Variants in ATG7 observed in about 807,000 individuals in gnomAD.
The protein encoded by ATG7 is ubiquitin-like modifier-activating enzyme ATG7.
In ATG7, 70 loss-of-function variants were observed where a neutral mutation model predicts 82.4. The ratio of observed to expected loss-of-function variants is 0.85; its 90% CI spans 0.70 to 1.04. The LOEUF (loss-of-function observed/expected upper bound fraction) is 1.04. Ranked by LOEUF, ATG7 falls within the 50% of genes least tolerant of loss-of-function variation. ATG7 has a pLI of 0.00. For synonymous variants in ATG7, 287 were observed against 313.0 expected (o/e 0.92, Z 0.88); for missense variants, 792 against 864.3 (o/e 0.92, Z 1.05).
chr3:11,324,871 A>G (rs1950644717), intron 9 of ATG7, among the ~76,000 whole-genome samples: 1 of 152,200 alleles, frequency 6.6e-6, no homozygotes. Flanking sequence ...CAGTTAAGAA[A>G]AAATAACCTT....
At chr3:11,440,867 A>T (rs918108990) in intron 20 of ATG7, among the ~76,000 whole-genome samples, 1 of 150,646 alleles carries the variant, frequency 6.6e-6, no homozygotes, top group Admixed American at 6.6e-5. Flanking sequence ...TATTTTTAGT[A>T]GAGATGGGGT....
At chr3:11,510,676 A>G (rs2092007374) in intron 20 of ATG7, among the ~76,000 whole-genome samples, 7 of 152,192 alleles carry the variant, frequency 4.6e-5, no homozygotes, top group Admixed American at 4.6e-4. Context: ...CATGCTGCAA[A>G]ACAGCACATT....
At chr3:11,510,782 A>G (rs2092011838) in intron 20 of ATG7, among the ~76,000 whole-genome samples, 2 of 152,150 alleles carry the variant, frequency 1.3e-5, no homozygotes, top group Non-Finnish European at 2.9e-5. Context: ...TTGGGGTAGA[A>G]TCGATAGCTT....
chr3:11,279,134 C>G (rs1448415870), intron 1 of ATG7, among the ~76,000 whole-genome samples: 1 of 152,172 alleles, frequency 6.6e-6, no homozygotes, highest in Non-Finnish European at 1.5e-5. Flanking sequence ...TGTCATCTAA[C>G]CCTCCCTTTC....
At chr3:11,310,275 A>G (rs1009669873) in intron 7 of ATG7, among the ~76,000 whole-genome samples, 1 of 152,190 alleles carries the variant, frequency 6.6e-6, no homozygotes, top group Admixed American at 6.5e-5. Context: ...GCGGGCATAT[A>G]AACACAGTAA....
At chr3:11,574,585 C>A in the ATG7 span, among the ~76,000 whole-genome samples, 35 of 152,288 alleles carry the variant, frequency 2.3e-4, no homozygotes, top group South Asian at 2.1e-4. Flanking sequence ...GTCACCTAGA[C>A]CACTGTAGGG....
At chr3:11,380,328 C>T (rs188693661) in intron 19 of ATG7, among the ~76,000 whole-genome samples, 1 of 152,292 alleles carries the variant, frequency 6.6e-6, no homozygotes, top group East Asian at 1.9e-4. Context: ...TGAATTTGAA[C>T]TTTACTGCTC....
intron 19 of ATG7, 81 bp from the exon 20 acceptor site, chr3:11,426,721 CAA>C (rs1008238730): frequency 9.7e-5 from 126 of 1,294,502 alleles, no homozygotes; most frequent in Non-Finnish European, 1.2e-4. Flanking sequence ...TTATTTTTGA[CAA>C]GAGCTTGTTA....
chr3:11,385,898 GTGCCGTTTTAATTTTGGCCATCCTT>G (rs2078284050), intron 19 of ATG7, among the ~76,000 whole-genome samples: 1 of 152,208 alleles, frequency 6.6e-6, no homozygotes, highest in Non-Finnish European at 1.5e-5. Flanking sequence ...GTCTTTGTGA[GTGCCGTTTTAATTTTGGCCATCCTT>G]GGAGTTGGAA....
At chr3:11,541,189 C>G (rs745521511) in intron 20 of ATG7, among the ~76,000 whole-genome samples, 2 of 152,164 alleles carry the variant, frequency 1.3e-5, no homozygotes, top group African/African-American at 4.8e-5. Flanking sequence ...CGTGAGCCAT[C>G]GCGCCCGGCT....
intron 20 of ATG7, among the ~76,000 whole-genome samples, chr3:11,461,956 G>A (rs916987097): frequency 6.6e-6 from 1 of 151,934 alleles, no homozygotes; most frequent in African/African-American, 2.4e-5. Context: ...TTATGAACCC[G>A]GGAGGCAGAG....
intron 19 of ATG7, among the ~76,000 whole-genome samples, chr3:11,403,570 G>A (rs796332453): frequency 2.0e-5 from 3 of 152,214 alleles, no homozygotes; most frequent in African/African-American, 7.2e-5. Flanking sequence ...TTTTCTTCTG[G>A]TGAGTTACTT....
intron 1 of ATG7, among the ~76,000 whole-genome samples, chr3:11,274,328 A>C (rs959444295): frequency 6.6e-6 from 1 of 152,022 alleles, no homozygotes; most frequent in African/African-American, 2.4e-5. Context: ...AGCCAAGGAG[A>C]TAGCAACGGT....
chr3:11,471,321 T>TC (rs1465716607), intron 20 of ATG7, among the ~76,000 whole-genome samples: 1 of 152,148 alleles, frequency 6.6e-6, no homozygotes, highest in Non-Finnish European at 1.5e-5. Flanking sequence ...TACTTGGTCT[T>TC]CAAGCCTTCA....
intron 20 of ATG7, among the ~76,000 whole-genome samples, chr3:11,442,801 G>C (rs1437969931): frequency 7.0e-6 from 1 of 143,876 alleles, no homozygotes; most frequent in Non-Finnish European, 1.5e-5. Flanking sequence ...CATGCCTGTA[G>C]TCCCAGCTAC....
intron 20 of ATG7, among the ~76,000 whole-genome samples, chr3:11,465,088 AGTGTGTGTGTGT>A (rs55999171): frequency 6.8e-6 from 1 of 147,328 alleles, no homozygotes; most frequent in African/African-American, 2.5e-5. Context: ...AAAAACCTAA[AGTGTGTGTGTGT>A]GTGTGTGTGT....
intron 20 of ATG7, chr3:11,510,278 C>T (rs138449360): frequency 3.7e-5 from 17 of 456,504 alleles, no homozygotes; most frequent in Admixed American, 3.5e-4. Flanking sequence ...TGAAATAGAT[C>T]TCTACCAGCT....
chr3:11,497,969 G>C (rs550640483), intron 20 of ATG7, among the ~76,000 whole-genome samples: 9 of 152,238 alleles, frequency 5.9e-5, no homozygotes, highest in African/African-American at 1.9e-4. Flanking sequence ...TCGGGTAGAC[G>C]TGAGCCTTCT....
chr3:11,389,437 CTTTTTTTTTTT>C (rs34261811), intron 19 of ATG7, among the ~76,000 whole-genome samples: 2 of 118,934 alleles, frequency 1.7e-5, no homozygotes, highest in Admixed American at 8.7e-5. Context: ...TTTGTTAGTG[CTTTTTTTTTTT>C]TTTTTTTTAA....
Sources: allele counts gnomAD v4.1 joint callset (sites outside exome capture counted in the v4.1 genomes callset), GRCh38; gene constraint gnomAD v4.1.1; transcripts MANE v1.5; gene names NCBI Gene and HGNC (gene_info 2026-07-23, HGNC 2026-07-21).